The following CDC16 variants were observed in gnomAD, a reference collection of about 807,000 sequenced individuals.
CDC16 encodes the protein cell division cycle protein 16 homolog.
A neutral mutation model predicts 87.0 loss-of-function variants in CDC16; 34 were observed. That is an observed-to-expected ratio of 0.39 (90% CI 0.30 to 0.52). The LOEUF is 0.52. Among genes scored for constraint, CDC16 ranks in the 20% least tolerant of loss-of-function variants. The probability of loss-of-function intolerance (pLI) is 0.74; values close to 1 mark genes in which losing one functional copy is unlikely to be tolerated. For missense variants in CDC16, 653 were observed against 751.9 expected, an observed-to-expected ratio of 0.87 and a Z score of 1.54; for synonymous variants, 263 against 260.6, an observed-to-expected ratio of 1.01 and a Z score of -0.09.
At chr13:114,235,175 G>T (rs7331680) in intron 1 of CDC16, 43 bp downstream of exon 1, 197,701 of 1,216,646 alleles carry the variant, frequency 0.16, 19,320 homozygotes, top group African/African-American at 0.45. Flanking sequence ...GGCCTCGCCG[G>T]GTCTTTTTCC....
chr13:114,261,844 A>T, intron 14 of CDC16, 43 bp from the exon 15 acceptor site: 1 of 1,393,744 alleles, frequency 7.2e-7, no homozygotes, highest in Non-Finnish European at 1.0e-6. Context: ...CAGGCTGAAC[A>T]GTGACATATA....
At chr13:114,259,578 T>A (rs771882692) in intron 14 of CDC16, among the ~76,000 whole-genome samples, 180 bp downstream of exon 14, 35 of 152,182 alleles carry the variant, frequency 2.3e-4, no homozygotes, top group Non-Finnish European at 4.0e-4. Flanking sequence ...AGAAATGAGT[T>A]TTTTCCCTAA....
Position 114,265,252 on chromosome 13 carries a change from GTTATTC to G in CDC16, c.1603+18_1603+23del, listed in dbSNP as rs775879874. 8 of 1,522,018 alleles carry G rather than the reference GTTATTC, an allele frequency of 5.3e-6. No homozygotes were observed. The highest frequency in any genetic ancestry group is 4.5e-5 in the East Asian group (2 of 44,466). The allele number at this position is 1,522,018 out of a possible 1,614,324, so 94.3% of individuals were successfully genotyped here. On this transcript the variant is annotated intron_variant, in intron 17 of 17. Coordinates refer to ENST00000356221, the MANE Select transcript of CDC16 (RefSeq NM_001078645.3). ...TGAAGCTTATATTGGTAAGATAATC[GTTATTC>G]TTATTGGTATTGTACTCCATTTTTT...
At chr13:114,264,327 C>T (rs1235612982) in intron 16 of CDC16, 1 of 152,306 alleles carries the variant, frequency 6.6e-6, no homozygotes, top group African/African-American at 2.4e-5. Context: ...GTGGGCAGAT[C>T]ATGAGGTCAA....
At chr13:114,268,681 ATGG>A (rs1369820379) in intron 17 of CDC16, among the ~76,000 whole-genome samples, 1 of 152,154 alleles carries the variant, frequency 6.6e-6, no homozygotes, top group Non-Finnish European at 1.5e-5. Context: ...AACCATAATG[ATGG>A]TGGTGTGTGC....
chr13:114,268,137 G>C lies in CDC16; in HGVS notation c.1603+2897G>C, dbSNP rs372660208. 2.6e-4 allele frequency among the ~76,000 whole-genome samples: 40 copies of C among 152,348 alleles called. 1 individual carries two copies. The East Asian group carries it at 4.8e-3, about 18-fold the overall frequency. Reference sequence around the variant, plus strand: ...GGTCCCGAGTTGGAAAAGGGAAAGGGGGGGGAGTTCCCCTATGTAGAGCAG... The same window carrying C: ...GGTCCCGAGTTGGAAAAGGGAAAGGCGGGGGAGTTCCCCTATGTAGAGCAG... On this transcript the variant is annotated intron_variant, in intron 17 of 17. Coordinates refer to ENST00000356221, the MANE Select transcript of CDC16 (RefSeq NM_001078645.3).
intron 14 of CDC16, among the ~76,000 whole-genome samples, chr13:114,260,514 C>T (rs754646348): frequency 3.9e-5 from 6 of 152,128 alleles, no homozygotes; most frequent in Non-Finnish European, 8.8e-5. Flanking sequence ...GCAGTTTTAG[C>T]GTGATGCCCA....
At position 114,261,029 on chromosome 13, in the gene CDC16, A is replaced by C. The variant is rs186821942; in HGVS notation, c.1315-858A>C. 1.5e-4 allele frequency among the ~76,000 whole-genome samples: 23 copies of C among 152,326 alleles called. No individual in the cohort carries two copies. The East Asian group carries it at 4.3e-3, about 28-fold the overall frequency. On this transcript the variant is annotated intron_variant, in intron 14 of 17. Transcript: ENST00000356221. ...AAAATACGGTGCAATTGAGGAACTA[A>C]AGGTGCCCACAGAGAAAGGCAGTTC...
At chr13:114,238,261 C>G (rs1315003869) in intron 3 of CDC16, among the ~76,000 whole-genome samples, 5 of 145,278 alleles carry the variant, frequency 3.4e-5, no homozygotes, top group Admixed American at 6.8e-5. Flanking sequence ...TATTCACACT[C>G]AGTGCCTGAA....
At chr13:114,242,512 T>G in intron 6 of CDC16, 1 of 493,212 alleles carries the variant, frequency 2.0e-6, no homozygotes. Context: ...TTTTGAGAAG[T>G]GATTGAGATA....
intron 1 of CDC16, among the ~76,000 whole-genome samples, chr13:114,235,363 C>G (rs866087528): frequency 6.6e-6 from 1 of 152,228 alleles, no homozygotes; most frequent in Non-Finnish European, 1.5e-5. Context: ...CACGGGGCGC[C>G]TCAGTCGGGT....
intron 11 of CDC16, among the ~76,000 whole-genome samples, chr13:114,247,588 G>A (rs918099257): frequency 3.3e-5 from 5 of 151,936 alleles, no homozygotes; most frequent in African/African-American, 1.2e-4. Context: ...TTATTAATGA[G>A]AATAAATGGC....
rs770502085 is a variant in CDC16, at chr13:114,236,864, G to A, written c.169G>A (p.Ala57Thr). Residue 57 changes from alanine to threonine, a missense_variant, in exon 3 of 18, where the codon GCC becomes ACC. By Grantham distance (58) the Ala-to-Thr change is moderately conservative. Transcript: ENST00000356221. ...CCTGACAGCACAATATCACAGAGCC[G>A]CCCATGCACTTCGGTCACGAAAACT... ...LYLTAQYHRA[A>T]HALRSRKLDK... The A allele has an allele frequency of 3.9e-5, 63 of 1,599,966 alleles. No individual in the cohort carries two copies. The highest frequency in any genetic ancestry group is 5.4e-5 in the Non-Finnish European group (63 of 1,175,920).
rs2081163870 is a variant in CDC16, at chr13:114,234,963, T to A, written c.-122T>A. The A allele has an allele frequency of 9.7e-6, 7 of 721,718 alleles. No individual in the cohort carries two copies. Among genetic ancestry groups the A allele is most frequent in the Non-Finnish European group, 1.3e-5 (7 of 523,410 alleles). 44.7% of individuals were successfully genotyped at this position (721,718 alleles called of 1,614,324 possible). On this transcript the variant is annotated 5_prime_UTR_variant, in exon 1 of 18. Coordinates refer to ENST00000356221, the MANE Select transcript of CDC16 (RefSeq NM_001078645.3). ...ACCTGCGGCCTTCGAGTCCGCGGCC[T>A]TCGAGTCCTGGGGCGGCGGCGGCGG... is the stretch of plus-strand genomic sequence containing the variant.
At chr13:114,239,944 C>T (rs944167434) in intron 5 of CDC16, among the ~76,000 whole-genome samples, 2 of 152,058 alleles carry the variant, frequency 1.3e-5, no homozygotes, top group Non-Finnish European at 2.9e-5. Flanking sequence ...TGAAATTGCA[C>T]ATTCCTTGCT....
chr13:114,245,985 C>A lies in CDC16; in HGVS notation c.848-15C>A. 2 of 1,441,162 alleles carry A rather than the reference C, an allele frequency of 1.4e-6. No individual in the cohort carries two copies. The highest frequency in any genetic ancestry group is 1.9e-6 in the Non-Finnish European group (2 of 1,038,920). The allele number at this position is 1,441,162 out of a possible 1,614,324, so 89.3% of individuals were successfully genotyped here. On this transcript the variant is annotated splice_polypyrimidine_tract_variant and intron_variant, in intron 9 of 17. Coordinates refer to ENST00000356221, the MANE Select transcript of CDC16 (RefSeq NM_001078645.3). ...GATACGAACAATTGTTCTTTTTCTG[C>A]TTTTTCCTGAACAGAACTTTTCTAT...
At chr13:114,246,863 TTTG>T in intron 10 of CDC16, 65 bp from the exon 11 acceptor site, 1 of 934,844 alleles carries the variant, frequency 1.1e-6, no homozygotes, top group Non-Finnish European at 1.8e-6. Context: ...TCTACCCTAA[TTTG>T]TTGCAGATTC....
chr13:114,261,996 T>A, intron 15 of CDC16, 48 bp downstream of exon 15: 2 of 1,163,196 alleles, frequency 1.7e-6, no homozygotes, highest in Non-Finnish European at 2.5e-6. Flanking sequence ...GTCTCAAAGT[T>A]TACTTAATTT....
chr13:114,240,058 A>G (rs994957314), intron 5 of CDC16, among the ~76,000 whole-genome samples: 2 of 152,224 alleles, frequency 1.3e-5, no homozygotes, highest in Non-Finnish European at 2.9e-5. Flanking sequence ...TATGCCATGC[A>G]GTTCCCCCAT....
Sources: gnomAD v4.1 joint callset for allele counts (sites outside exome capture counted in the v4.1 genomes callset) on GRCh38, gnomAD v4.1.1 for gene constraint, MANE v1.5 for transcripts, NCBI Gene and HGNC (gene_info 2026-07-23, HGNC 2026-07-21) for gene names.